MICAL2: variants seen among roughly 807,000 people sequenced by gnomAD.
The protein encoded by MICAL2 is microtubule associated monooxygenase, calponin and LIM domain containing 2.
A neutral mutation model predicts 127.3 loss-of-function variants in MICAL2; 77 were observed. The observed-to-expected ratio is 0.60, with a 90% CI of 0.50 to 0.73. The LOEUF (loss-of-function observed/expected upper bound fraction) is 0.73, where lower values mean the gene tolerates loss of function less well. Ranked by LOEUF, MICAL2 falls within the 30% of genes least tolerant of loss-of-function variation. The pLI is 0.00. For missense variants in MICAL2, 1,351 were observed against 1,434.4 expected, an observed-to-expected ratio of 0.94 and a Z score of 0.94; for synonymous variants, 570 against 551.1, an observed-to-expected ratio of 1.03 and a Z score of -0.48.
At chr11:12,357,776 T>C (rs528930483) in intron 34 of MICAL2, among the ~76,000 whole-genome samples, 230 of 152,066 alleles carry the variant, frequency 1.5e-3, no homozygotes, top group African/African-American at 5.3e-3. Context: ...AGGTGGAGGT[T>C]GCAGAGAGCC....
chr11:12,161,965 A>T, intron 2 of MICAL2, 114 bp from the exon 3 acceptor site: 1 of 657,424 alleles, frequency 1.5e-6, no homozygotes, highest in Non-Finnish European at 2.6e-6. Flanking sequence ...AACACTAAAT[A>T]GTGTGGTTAA....
intron 15 of MICAL2, among the ~76,000 whole-genome samples, chr11:12,227,736 T>C (rs936603093): frequency 1.3e-5 from 2 of 152,234 alleles, no homozygotes; most frequent in African/African-American, 4.8e-5. Context: ...ACCCTTAATG[T>C]CTCTGTAATT....
chr11:12,213,130 T>C, intron 6 of MICAL2, 125 bp from the exon 7 acceptor site: 1 of 1,154,044 alleles, frequency 8.7e-7, no homozygotes, highest in Non-Finnish European at 1.2e-6. Flanking sequence ...TCCTGTCCAC[T>C]AGAGATCCAG....
At chr11:12,196,793 C>T (rs183678993) in intron 3 of MICAL2, among the ~76,000 whole-genome samples, 59 of 152,268 alleles carry the variant, frequency 3.9e-4, no homozygotes, top group African/African-American at 1.4e-3. Context: ...CGATCTGGCT[C>T]TTTCTTTCTC....
At chr11:12,355,581 G>T (rs961469623) in intron 34 of MICAL2, among the ~76,000 whole-genome samples, 1 of 152,202 alleles carries the variant, frequency 6.6e-6, no homozygotes, top group African/African-American at 2.4e-5. Context: ...ATACCTCAGG[G>T]ATCTAATACT....
intron 3 of MICAL2, among the ~76,000 whole-genome samples, 192 bp downstream of exon 3, chr11:12,162,611 C>G (rs575228516): frequency 6.6e-6 from 1 of 152,230 alleles, no homozygotes; most frequent in Non-Finnish European, 1.5e-5. Context: ...TCCCTCCACT[C>G]GTGCCCTCTC....
intron 3 of MICAL2, among the ~76,000 whole-genome samples, chr11:12,185,181 A>G (rs61875231): frequency 1.2e-4 from 4 of 32,160 alleles, no homozygotes; most frequent in African/African-American, 4.8e-4. Flanking sequence ...GGGTGGCTGG[A>G]TGGATGGATG....
Position 12,279,810 on chromosome 11 carries a change from C to T in MICAL2, c.88-1123C>T, listed in dbSNP as rs143438618. Among the ~76,000 whole-genome samples, 737 of 152,322 alleles carry T rather than the reference C, an allele frequency of 4.8e-3. 7 individuals are homozygous for T. The highest frequency in any genetic ancestry group is 0.017 in the African/African-American group (709 of 41,576). ...TCAGGATGCCAAGGCAGGCCTCCAG[C>T]TGCTACTCCCACATCACATACTTCC... On this transcript the variant is annotated intron_variant, in intron 1 of 2. Transcript: ENST00000529028.
rs1415892571 is a variant in MICAL2, at chr11:12,337,603, T to G, written c.5515+10337T>G. Among the ~76,000 whole-genome samples, 15 of 152,292 alleles carry G rather than the reference T, an allele frequency of 9.8e-5. No homozygotes were observed. The East Asian group carries it at 2.9e-3, about 29-fold the overall frequency. On this transcript the variant is annotated intron_variant, in intron 32 of 34. Coordinates refer to the MICAL2 transcript ENST00000646065. ...CTTTTGGGCATTTAGTGCTATAAAT[T>G]TCCCTCTACACACTGCTTTGAATGT...
intron 29 of MICAL2, among the ~76,000 whole-genome samples, chr11:12,297,302 T>C (rs1049304781): frequency 6.6e-6 from 1 of 152,182 alleles, no homozygotes; most frequent in Non-Finnish European, 1.5e-5. Flanking sequence ...TTTTATATGT[T>C]GAGAAGCCAT....
At chr11:12,291,391 A>G (rs111254606), downstream of MICAL2, among the ~76,000 whole-genome samples, 1 of 152,174 alleles carries the variant, frequency 6.6e-6, no homozygotes, top group African/African-American at 2.4e-5. Flanking sequence ...TTGATCTTAC[A>G]GTAGGCTATG....
intron 1 of MICAL2, among the ~76,000 whole-genome samples, chr11:12,278,444 C>T (rs1459054837): frequency 1.3e-5 from 2 of 152,136 alleles, no homozygotes; most frequent in Admixed American, 6.5e-5. Flanking sequence ...AGGGCTGCGG[C>T]GTAAATAGGT....
intron 3 of MICAL2, among the ~76,000 whole-genome samples, chr11:12,200,630 T>C (rs1007009790): frequency 3.9e-5 from 6 of 152,232 alleles, no homozygotes; most frequent in Non-Finnish European, 4.4e-5. Context: ...GGCCCGTTGG[T>C]ATTTGCTTTG....
intron 2 of MICAL2, among the ~76,000 whole-genome samples, chr11:12,154,198 T>G (rs1053332224): frequency 6.6e-6 from 1 of 152,188 alleles, no homozygotes; most frequent in Non-Finnish European, 1.5e-5. Context: ...TGTTAACATT[T>G]AAGCTAATTC....
Position 12,224,736 on chromosome 11 carries a change from A to T in MICAL2, c.1604A>T (p.His535Leu). ...CAGCAGCAGACAGAGGGCTACCAGCATGTCAACGTCACCGACCTGACCACA... is the reference window on the plus strand; with the variant it reads ...CAGCAGCAGACAGAGGGCTACCAGCTTGTCAACGTCACCGACCTGACCACA... ...WCQQQTEGYQ[H>L]VNVTDLTTSW... Residue 535 changes from histidine to leucine, a missense_variant, in exon 13 of 28, where the codon CAT becomes CTT. Physicochemically the swap from His to Leu is moderately conservative, Grantham distance 99 (BLOSUM62 -3). Transcript: ENST00000683283. The T allele has an allele frequency of 6.2e-7, 1 of 1,614,192 alleles. No homozygotes were observed. Among genetic ancestry groups the T allele is most frequent in the Non-Finnish European group, 8.5e-7 (1 of 1,180,018 alleles).
At chr11:12,238,600 T>C (rs1264393947) in intron 16 of MICAL2, among the ~76,000 whole-genome samples, 2 of 152,156 alleles carry the variant, frequency 1.3e-5, no homozygotes, top group African/African-American at 4.8e-5. Context: ...CAGAAACTGT[T>C]ACAGTTTGTA....
At chr11:12,180,778 T>G (rs1857365246) in intron 3 of MICAL2, among the ~76,000 whole-genome samples, 1 of 152,080 alleles carries the variant, frequency 6.6e-6, no homozygotes, top group South Asian at 2.1e-4. Context: ...CTTTAGTTGC[T>G]CAACCTTTGA....
chr11:12,331,156 G>A (rs1565307513), intron 32 of MICAL2, among the ~76,000 whole-genome samples: 1 of 152,108 alleles, frequency 6.6e-6, no homozygotes, highest in Non-Finnish European at 1.5e-5. Flanking sequence ...GATGATCAGT[G>A]TTACATACTA....
chr11:12,286,811 G>T (rs1238618821), intron 2 of MICAL2: 1 of 254,886 alleles, frequency 3.9e-6, no homozygotes, highest in Non-Finnish European at 7.4e-6. Context: ...AGAGGTCGAG[G>T]GGGCAGTGAG....
Sources: allele counts gnomAD v4.1 joint callset (sites outside exome capture counted in the v4.1 genomes callset), GRCh38; gene constraint gnomAD v4.1.1; transcripts MANE v1.5; gene names NCBI Gene and HGNC (gene_info 2026-07-23, HGNC 2026-07-21).